The following GPHN variants were observed in gnomAD, a reference collection of about 807,000 sequenced individuals.
GPHN encodes the protein gephyrin.
Under a neutral mutation model 95.5 loss-of-function variants are expected in GPHN, and 17 were observed. That is an observed-to-expected ratio of 0.18 (90% CI 0.12 to 0.27). The LOEUF is 0.27. Ranked by LOEUF, GPHN falls within the 10% of genes least tolerant of loss-of-function variation. GPHN has a pLI of 1.00. For synonymous variants in GPHN, 320 were observed against 322.5 expected (o/e 0.99, Z 0.08); for missense variants, 660 against 978.1 (o/e 0.67, Z 4.34).
intron 4 of GPHN, among the ~76,000 whole-genome samples, chr14:66,864,741 C>G (rs2063163853): frequency 6.6e-6 from 1 of 151,286 alleles, no homozygotes; most frequent in Non-Finnish European, 1.5e-5. Flanking sequence ...CCACTGCACT[C>G]AAGTCTGGGC....
chr14:67,571,454 G>A, the GPHN span: 1 of 325,172 alleles, frequency 3.1e-6, no homozygotes, highest in Non-Finnish European at 5.8e-6. Context: ...CTGTGGTGTA[G>A]CTTTCTGGCC....
chr14:67,626,543 C>T, the GPHN span, among the ~76,000 whole-genome samples: 2 of 152,076 alleles, frequency 1.3e-5, no homozygotes, highest in South Asian at 2.1e-4. Flanking sequence ...TAGACAGTCT[C>T]GCTCTTTCAC....
At chr14:67,130,089 A>G (rs2153696846) in intron 17 of GPHN, among the ~76,000 whole-genome samples, 1 of 152,130 alleles carries the variant, frequency 6.6e-6, no homozygotes, top group East Asian at 1.9e-4. Context: ...TTTCACTCAA[A>G]TGCATTCTTT....
At chr14:67,573,024 C>G in the GPHN span, among the ~76,000 whole-genome samples, 183 of 152,324 alleles carry the variant, frequency 1.2e-3, no homozygotes, top group Non-Finnish European at 1.9e-3. This position sits in a 1 kb window ranked among gnomAD's most constrained non-coding sequence, Gnocchi z 4.8. Flanking sequence ...CCCTGCTCTG[C>G]TACCTTCTCA....
chr14:67,729,520 G>T, the GPHN span: 3 of 801,562 alleles, frequency 3.7e-6, no homozygotes, highest in South Asian at 4.3e-5. Context: ...ACAGAATGCC[G>T]TTGCTTTGTT....
At chr14:66,525,982 C>T (rs1195568159) in intron 1 of GPHN, among the ~76,000 whole-genome samples, 1 of 151,488 alleles carries the variant, frequency 6.6e-6, no homozygotes, top group Non-Finnish European at 1.5e-5. Flanking sequence ...CTTTTTGGTT[C>T]CATATGAAAT....
intron 9 of GPHN, among the ~76,000 whole-genome samples, chr14:66,994,808 C>T (rs2071674869): frequency 6.6e-6 from 1 of 152,114 alleles, no homozygotes; most frequent in African/African-American, 2.4e-5. Flanking sequence ...ACCATATTTT[C>T]AAAAGTACCT....
intron 9 of GPHN, chr14:66,969,120 T>C (rs1263831386): frequency 6.6e-6 from 1 of 152,178 alleles, no homozygotes; most frequent in Non-Finnish European, 1.5e-5. Flanking sequence ...CCAGCAAATT[T>C]GTTTGCTGAA....
the GPHN span, chr14:67,317,554 T>G: frequency 1.1e-6 from 1 of 915,738 alleles, no homozygotes; most frequent in Non-Finnish European, 1.7e-6. Context: ...TGCACCTTAA[T>G]GTTAAATATG....
At chr14:67,541,514 G>C in the GPHN span, among the ~76,000 whole-genome samples, 1 of 152,354 alleles carries the variant, frequency 6.6e-6, no homozygotes, top group East Asian at 1.9e-4. Flanking sequence ...GGATAAGTTT[G>C]TTGTGTGAAT....
the GPHN span, among the ~76,000 whole-genome samples, chr14:67,719,395 T>C: frequency 6.6e-6 from 1 of 152,218 alleles, no homozygotes; most frequent in Admixed American, 6.5e-5. Flanking sequence ...TTAAGACCTT[T>C]TCCAAGCAGT....
chr14:67,552,947 A>C, the GPHN span, among the ~76,000 whole-genome samples: 1 of 152,112 alleles, frequency 6.6e-6, no homozygotes, highest in Non-Finnish European at 1.5e-5. Flanking sequence ...TAGATAATAA[A>C]ATCCGGAGGG....
At chr14:67,593,297 C>A in the GPHN span, 1 of 194,582 alleles carries the variant, frequency 5.1e-6, no homozygotes. Context: ...CAAGACCAGC[C>A]TAGGCAACAT....
intron 1 of GPHN, among the ~76,000 whole-genome samples, chr14:66,628,608 T>A (rs1391439956): frequency 6.6e-6 from 1 of 152,146 alleles, no homozygotes; most frequent in Non-Finnish European, 1.5e-5. Flanking sequence ...CTGTAGAGTT[T>A]TTAAACAATG....
the GPHN span, among the ~76,000 whole-genome samples, chr14:67,264,024 T>C: frequency 6.6e-6 from 1 of 152,146 alleles, no homozygotes; most frequent in Non-Finnish European, 1.5e-5. Context: ...CAGGCTCCCA[T>C]GCAAGCACCT....
chr14:67,098,562 C>T (rs763491787), intron 12 of GPHN, among the ~76,000 whole-genome samples: 1 of 152,056 alleles, frequency 6.6e-6, no homozygotes. Flanking sequence ...GTAACCCCAG[C>T]ATTTTGGGAG....
the GPHN span, among the ~76,000 whole-genome samples, chr14:67,443,578 GA>G: frequency 0.013 from 1,890 of 143,556 alleles, 20 homozygotes; most frequent in Middle Eastern, 0.018. Context: ...AGACATTTAG[GA>G]AAAAAAAAAA....
chr14:66,954,862 T>C (rs2068376955), intron 8 of GPHN, among the ~76,000 whole-genome samples: 1 of 152,214 alleles, frequency 6.6e-6, no homozygotes, highest in Non-Finnish European at 1.5e-5. Flanking sequence ...TTAACGGAGA[T>C]GATCATTTGT....
At chr14:66,740,223 A>G (rs1359365431) in intron 2 of GPHN, among the ~76,000 whole-genome samples, 1 of 152,160 alleles carries the variant, frequency 6.6e-6, no homozygotes, top group Non-Finnish European at 1.5e-5. Context: ...GCTTTCTATA[A>G]GAAGAAAACA....
Sources: allele counts gnomAD v4.1 joint callset (sites outside exome capture counted in the v4.1 genomes callset), GRCh38; gene constraint gnomAD v4.1.1; non-coding constraint Gnocchi (gnomAD v3.1); transcripts MANE v1.5; gene names NCBI Gene and HGNC (gene_info 2026-07-23, HGNC 2026-07-21).